Variants in PIK3R3 observed in about 807,000 individuals in gnomAD.
The protein encoded by PIK3R3 is phosphatidylinositol 3-kinase regulatory subunit gamma.
In PIK3R3, 64 loss-of-function variants were observed where a neutral mutation model predicts 62.9. That is an observed-to-expected ratio of 1.02 (90% CI 0.83 to 1.25). PIK3R3 has a LOEUF of 1.25. Among genes scored for constraint, PIK3R3 ranks in the 50% most tolerant of loss-of-function variants. The pLI is 0.00. For missense variants in PIK3R3, 614 were observed against 561.6 expected (o/e 1.09, Z -0.94); for synonymous variants, 165 against 189.0 (o/e 0.87, Z 1.04).
intron 1 of PIK3R3, among the ~76,000 whole-genome samples, chr1:46,116,324 AAC>A (rs888947052): frequency 6.6e-6 from 1 of 151,886 alleles, no homozygotes; most frequent in African/African-American, 2.4e-5. Flanking sequence ...CATCCTGGGA[AAC>A]ACAGTGAGAC....
At chr1:46,088,102 C>T (rs1309209322) in intron 1 of PIK3R3, among the ~76,000 whole-genome samples, 2 of 152,168 alleles carry the variant, frequency 1.3e-5, no homozygotes, top group Non-Finnish European at 2.9e-5. Context: ...TGGTTAAAAA[C>T]AGCTGAGTGT....
chr1:46,079,844 C>T (rs929055653), intron 2 of PIK3R3, among the ~76,000 whole-genome samples: 1 of 151,160 alleles, frequency 6.6e-6, no homozygotes, highest in Non-Finnish European at 1.5e-5. Flanking sequence ...ATCCCAGCTA[C>T]TTGGGAGGCT....
chr1:46,053,016 ACCGAC>A (rs1647506607), intron 7 of PIK3R3, among the ~76,000 whole-genome samples: 1 of 152,216 alleles, frequency 6.6e-6, no homozygotes, highest in Non-Finnish European at 1.5e-5. Context: ...CTTCTTCAGG[ACCGAC>A]TATACAAATT....
the PIK3R3 span, among the ~76,000 whole-genome samples, chr1:46,139,300 CTTCTTTTTTTTTTT>C: frequency 6.6e-6 from 1 of 151,442 alleles, no homozygotes; most frequent in African/African-American, 2.4e-5. Context: ...GACCCACGTG[CTTCTTTTTTTTTTT>C]TTCTTTTTGA....
intron 6 of PIK3R3, 81 bp from the exon 7 acceptor site, chr1:46,056,052 C>T (rs1021224070): frequency 3.2e-5 from 22 of 692,280 alleles, no homozygotes; most frequent in Middle Eastern, 4.1e-4. Context: ...TCCTAATATC[C>T]TTTTTTTTTT....
the PIK3R3 span, among the ~76,000 whole-genome samples, chr1:46,160,511 A>C: frequency 6.6e-6 from 1 of 152,250 alleles, no homozygotes. Flanking sequence ...AAACCCAGGC[A>C]GCTGAACCCA....
At chr1:46,109,563 A>C (rs1653543854) in intron 1 of PIK3R3, among the ~76,000 whole-genome samples, 1 of 151,916 alleles carries the variant, frequency 6.6e-6, no homozygotes. Context: ...AGCTCACTGC[A>C]ACCTCTGCCT....
chr1:46,132,079 G>T lies in PIK3R3; in HGVS notation c.-127C>A. ...GAAATGTACTTCGGGTTTTCCAACG[G>T]CCAGTACCAGTCCGGCCAAACTACC... is the stretch of plus-strand genomic sequence containing the variant. On this transcript the variant is annotated 5_prime_UTR_variant, in exon 1 of 10. Coordinates refer to ENST00000262741, the MANE Select transcript of PIK3R3 (RefSeq NM_003629.4). 2 of 1,454,736 alleles carry T rather than the reference G, an allele frequency of 1.4e-6. No individual in the cohort carries two copies. 90.1% of individuals were successfully genotyped at this position (1,454,736 alleles called of 1,614,324 possible). A position where few individuals can be genotyped will look rare whatever the true frequency, so the allele number is the denominator to read the frequency against.
chr1:46,067,253 C>CATATATATATATATATATATATATATAT (rs71307629), intron 3 of PIK3R3, among the ~76,000 whole-genome samples, 162 bp from the exon 4 acceptor site: 2 of 130,354 alleles, frequency 1.5e-5, no homozygotes, highest in East Asian at 2.3e-4. Context: ...TGTGTGTGAA[C>CATATATATATATATATATATATATATAT]ATATATATAT....
chr1:46,062,258 C>T (rs1454922567), intron 5 of PIK3R3, among the ~76,000 whole-genome samples, 187 bp from the exon 6 acceptor site: 3 of 152,176 alleles, frequency 2.0e-5, no homozygotes, highest in Admixed American at 2.0e-4. Flanking sequence ...TACTCTATTA[C>T]TTGTATGTAA....
chr1:46,059,687 G>A (rs1648284594), intron 6 of PIK3R3, among the ~76,000 whole-genome samples: 3 of 152,260 alleles, frequency 2.0e-5, no homozygotes, highest in South Asian at 4.1e-4. Context: ...CTAGCAACTC[G>A]GGAGGCTGAG....
chr1:46,115,145 A>G (rs559916228), intron 1 of PIK3R3, among the ~76,000 whole-genome samples: 17 of 152,278 alleles, frequency 1.1e-4, no homozygotes, highest in Admixed American at 3.3e-4. Flanking sequence ...ACTACTGGGG[A>G]AGCCCGTTTG....
intron 1 of PIK3R3, among the ~76,000 whole-genome samples, chr1:46,087,695 A>G (rs188999849): frequency 4.8e-4 from 69 of 143,314 alleles, no homozygotes; most frequent in Non-Finnish European, 7.8e-4. Flanking sequence ...TTGGCCTCCC[A>G]AAGTGCTGGA....
chr1:46,107,542 G>A (rs1334429945), intron 1 of PIK3R3, among the ~76,000 whole-genome samples: 3 of 152,108 alleles, frequency 2.0e-5, no homozygotes, highest in African/African-American at 7.2e-5. Context: ...GTGACAGAGC[G>A]AGACTCCATC....
the PIK3R3 span, among the ~76,000 whole-genome samples, chr1:46,147,575 G>A: frequency 6.6e-6 from 1 of 152,080 alleles, no homozygotes; most frequent in South Asian, 2.1e-4. Context: ...CCACCACCAC[G>A]CCTGGCTAAT....
chr1:46,117,683 G>A (rs1010489246), intron 1 of PIK3R3, among the ~76,000 whole-genome samples: 1 of 152,118 alleles, frequency 6.6e-6, no homozygotes, highest in Non-Finnish European at 1.5e-5. Flanking sequence ...GGAGGTTAAG[G>A]CTGTAGTGAA....
At chr1:46,072,022 T>C (rs1649586587) in intron 3 of PIK3R3, among the ~76,000 whole-genome samples, 1 of 151,988 alleles carries the variant, frequency 6.6e-6, no homozygotes, top group South Asian at 2.1e-4. Context: ...TTCCTGCTAC[T>C]CCCCTCCCAC....
intron 7 of PIK3R3, among the ~76,000 whole-genome samples, chr1:46,053,515 C>G (rs868380975): frequency 2.0e-5 from 3 of 152,054 alleles, no homozygotes; most frequent in African/African-American, 7.2e-5. Context: ...AGGCAGAGCC[C>G]TCATGAATGG....
At chr1:46,065,267 A>C (rs1275210795) in intron 5 of PIK3R3, among the ~76,000 whole-genome samples, 1 of 152,246 alleles carries the variant, frequency 6.6e-6, no homozygotes, top group African/African-American at 2.4e-5. Context: ...CTAGCTAAAA[A>C]ACAATCTAAA....
Sources: gnomAD v4.1 joint callset for allele counts (sites outside exome capture counted in the v4.1 genomes callset) on GRCh38, gnomAD v4.1.1 for gene constraint, MANE v1.5 for transcripts, NCBI Gene and HGNC (gene_info 2026-07-23, HGNC 2026-07-21) for gene names.